FRMD4A: variants seen among roughly 807,000 people sequenced by gnomAD.
FRMD4A encodes FERM domain-containing protein 4A.
In FRMD4A, 29 loss-of-function variants were observed where a neutral mutation model predicts 129.1. That is an observed-to-expected ratio of 0.22 (90% CI 0.17 to 0.31). The LOEUF is 0.31. Among genes scored for constraint, FRMD4A ranks in the 10% least tolerant of loss-of-function variants. FRMD4A has a pLI of 1.00. For synonymous variants in FRMD4A, 634 were observed against 571.6 expected (o/e 1.11, Z -1.56); for missense variants, 1,272 against 1,375.8 (o/e 0.92, Z 1.19).
chr10:14,008,572 A>G, intron 2 of FRMD4A: 3 of 917,596 alleles, frequency 3.3e-6, no homozygotes, highest in Non-Finnish European at 3.9e-6. Context: ...GCTCTATCAG[A>G]CGTATTATTC....
intron 2 of FRMD4A, among the ~76,000 whole-genome samples, chr10:13,979,178 G>A (rs1409254421): frequency 6.6e-6 from 1 of 152,122 alleles, no homozygotes; most frequent in Non-Finnish European, 1.5e-5. Context: ...GCATGCATAT[G>A]TGTAATCAAA....
At chr10:14,250,194 C>T (rs561235287) in intron 2 of FRMD4A, among the ~76,000 whole-genome samples, 45 of 152,312 alleles carry the variant, frequency 3.0e-4, no homozygotes, top group African/African-American at 1.1e-3. Context: ...CTCCTGACCT[C>T]AGGTGCTCTG....
intron 2 of FRMD4A, among the ~76,000 whole-genome samples, chr10:13,913,843 G>A (rs1460646211): frequency 6.6e-6 from 1 of 152,234 alleles, no homozygotes; most frequent in Non-Finnish European, 1.5e-5. Context: ...TGGTGGGGGA[G>A]TTTGACAATG....
intron 2 of FRMD4A, among the ~76,000 whole-genome samples, chr10:14,270,226 A>G (rs1845117623): frequency 6.6e-6 from 1 of 152,236 alleles, no homozygotes; most frequent in Non-Finnish European, 1.5e-5. Flanking sequence ...CAGACAGCCC[A>G]TCATGGGACT....
At chr10:13,749,058 C>T (rs1411611306) in intron 8 of FRMD4A, among the ~76,000 whole-genome samples, 2 of 152,184 alleles carry the variant, frequency 1.3e-5, no homozygotes, top group Admixed American at 1.3e-4. Flanking sequence ...CCCTCTGGGC[C>T]GGACCATCTG....
At chr10:13,679,681 C>A (rs543470856) in intron 15 of FRMD4A, among the ~76,000 whole-genome samples, 1 of 151,668 alleles carries the variant, frequency 6.6e-6, no homozygotes, top group South Asian at 2.1e-4. Flanking sequence ...ATTCAGGTTG[C>A]CGTATTGTAA....
At chr10:13,930,760 T>C (rs2095185227) in intron 2 of FRMD4A, among the ~76,000 whole-genome samples, 2 of 152,216 alleles carry the variant, frequency 1.3e-5, no homozygotes, top group South Asian at 4.1e-4. Context: ...CTTTAATTGC[T>C]ATAGAATCCC....
At chr10:14,254,496 G>A (rs1019248422) in intron 2 of FRMD4A, among the ~76,000 whole-genome samples, 3 of 152,126 alleles carry the variant, frequency 2.0e-5, no homozygotes, top group Admixed American at 6.5e-5. Flanking sequence ...CTCCTCTTAT[G>A]TATTGGGCTT....
chr10:13,917,993 C>T (rs1368568389), intron 2 of FRMD4A, among the ~76,000 whole-genome samples: 1 of 152,238 alleles, frequency 6.6e-6, no homozygotes, highest in Admixed American at 6.5e-5. Context: ...AAAGTGATCA[C>T]TATTACCTTA....
chr10:14,110,116 G>A (rs1351846265), intron 2 of FRMD4A, among the ~76,000 whole-genome samples: 5 of 39,276 alleles, frequency 1.3e-4, no homozygotes, highest in South Asian at 8.2e-4. Context: ...GCAACAAAGC[G>A]AGATGCTGTA....
chr10:13,657,486 G>C lies in FRMD4A; in HGVS notation c.2103C>G (p.Leu701=), dbSNP rs534651878. The C allele has an allele frequency of 8.2e-5, 132 of 1,608,098 alleles. 1 individual carries two copies. The South Asian group carries it at 1.4e-3, about 17-fold the overall frequency. Residue 701 remains leucine (L), a synonymous_variant, in exon 22 of 25, where the codon CTC becomes CTG. Coordinates refer to ENST00000357447, the MANE Select transcript of FRMD4A (RefSeq NM_018027.5). ...VDISPTRLHS[L]ALHFRHRSSS... ...AGCTCCGGTGCCTAAAGTGCAGTGC[G>C]AGGCTGTGCAGTCGGGTGGGGCTGA...
At chr10:13,878,383 CA>C (rs2131110937) in intron 2 of FRMD4A, among the ~76,000 whole-genome samples, 1 of 152,334 alleles carries the variant, frequency 6.6e-6, no homozygotes, top group East Asian at 1.9e-4. Context: ...GACACTGCTG[CA>C]AGCAGCTCAC....
intron 8 of FRMD4A, chr10:13,756,253 G>A (rs1038185489): frequency 2.0e-5 from 3 of 152,328 alleles, no homozygotes; most frequent in Non-Finnish European, 2.9e-5. Flanking sequence ...ATGTATGGAC[G>A]ATTCTTTATT....
chr10:13,891,800 G>C, intron 2 of FRMD4A: 3 of 941,528 alleles, frequency 3.2e-6, no homozygotes, highest in Non-Finnish European at 3.8e-6. Flanking sequence ...GCGGGCCCTC[G>C]GCGTCAGCCC....
chr10:14,048,721 G>A (rs1002061577), intron 2 of FRMD4A, among the ~76,000 whole-genome samples: 2 of 152,044 alleles, frequency 1.3e-5, no homozygotes, highest in South Asian at 2.1e-4. Context: ...CAGGATAATC[G>A]CTTGAACCTG....
chr10:13,782,880 T>C, intron 6 of FRMD4A, 42 bp downstream of exon 6: 1 of 878,286 alleles, frequency 1.1e-6, no homozygotes, highest in Non-Finnish European at 2.0e-6. Context: ...CAAATGATAC[T>C]TTCAGGTTTC....
intron 2 of FRMD4A, among the ~76,000 whole-genome samples, chr10:14,011,017 G>T (rs1434460736): frequency 6.6e-6 from 1 of 152,170 alleles, no homozygotes; most frequent in Non-Finnish European, 1.5e-5. Context: ...CAGTGGTGAA[G>T]AAACTGGTGC....
intron 2 of FRMD4A, among the ~76,000 whole-genome samples, chr10:14,253,979 G>A (rs995175265): frequency 8.5e-5 from 13 of 152,174 alleles, no homozygotes; most frequent in Non-Finnish European, 1.9e-4. Flanking sequence ...CCCCTCTGCA[G>A]ACGATACACT....
intron 2 of FRMD4A, among the ~76,000 whole-genome samples, chr10:14,000,974 G>GT (rs1037592585): frequency 6.6e-4 from 100 of 152,236 alleles, no homozygotes; most frequent in Non-Finnish European, 1.2e-3. Flanking sequence ...AGCCTAAATA[G>GT]TTTTTTTCCC....
Sources: allele counts gnomAD v4.1 joint callset (sites outside exome capture counted in the v4.1 genomes callset), GRCh38; gene constraint gnomAD v4.1.1; transcripts MANE v1.5; gene names NCBI Gene and HGNC (gene_info 2026-07-23, HGNC 2026-07-21).